Variants in FAM107B observed in about 807,000 individuals in gnomAD.
FAM107B encodes the protein protein FAM107B.
A neutral mutation model predicts 31.5 loss-of-function variants in FAM107B; 21 were observed. The observed-to-expected ratio is 0.67, with a 90% CI of 0.47 to 0.96. FAM107B has a LOEUF of 0.96. Ranked by LOEUF, FAM107B falls within the 40% of genes least tolerant of loss-of-function variation. FAM107B has a pLI of 0.00. For synonymous variants in FAM107B, 157 were observed against 141.5 expected (o/e 1.11, Z -0.78); for missense variants, 452 against 377.1 (o/e 1.20, Z -1.64).
chr10:14,535,698 C>T (rs1284396398), intron 2 of FAM107B, among the ~76,000 whole-genome samples: 2 of 152,324 alleles, frequency 1.3e-5, no homozygotes, highest in South Asian at 2.1e-4. Context: ...AAGGGCCTCT[C>T]GTGCTGTTCT....
intron 1 of FAM107B, among the ~76,000 whole-genome samples, chr10:14,716,570 C>G (rs1414772876): frequency 6.6e-6 from 1 of 152,214 alleles, no homozygotes; most frequent in East Asian, 1.9e-4. Context: ...GTTCCTATAT[C>G]TGCCTCATAG....
At chr10:14,606,361 C>G (rs1230760672) in intron 2 of FAM107B, among the ~76,000 whole-genome samples, 3 of 152,164 alleles carry the variant, frequency 2.0e-5, no homozygotes, top group Non-Finnish European at 2.9e-5. Flanking sequence ...CCCTCCCATA[C>G]CCGACATGGT....
At chr10:14,532,722 C>T (rs1020136450) in intron 2 of FAM107B, 8 of 152,234 alleles carry the variant, frequency 5.3e-5, no homozygotes, top group African/African-American at 1.7e-4. Flanking sequence ...TCTGAAAAAT[C>T]AACTGCAGTT....
intron 2 of FAM107B, among the ~76,000 whole-genome samples, chr10:14,635,333 A>G (rs995709699): frequency 2.0e-5 from 3 of 152,200 alleles, no homozygotes; most frequent in Non-Finnish European, 4.4e-5. Context: ...GCTGATGCCT[A>G]AACTTTGCTT....
At position 14,575,195 on chromosome 10, in the gene FAM107B, A is replaced by G. The variant is rs79124863; in HGVS notation, c.470-44680T>C. Among the ~76,000 whole-genome samples the G allele has an allele frequency of 2.7e-3, 401 of 146,006 alleles. 3 individuals are homozygous for G. Among genetic ancestry groups the G allele is most frequent in the African/African-American group, 9.8e-3 (391 of 39,762 alleles). ...TGTACTGGGGATCACACGCTAAAGA[A>G]GCTTTTTGTTTTTTTGTTTTTTTTT... On this transcript the variant is annotated intron_variant, in intron 2 of 4. Coordinates refer to ENST00000181796, the MANE Select transcript of FAM107B (RefSeq NM_031453.4).
chr10:14,587,620 T>C (rs1252591312), intron 2 of FAM107B, among the ~76,000 whole-genome samples: 3 of 152,224 alleles, frequency 2.0e-5, no homozygotes, highest in East Asian at 3.8e-4. Context: ...TTAAACATTA[T>C]TTTCTTTTCT....
intron 1 of FAM107B, among the ~76,000 whole-genome samples, chr10:14,768,676 T>C (rs1833235031): frequency 6.6e-6 from 1 of 152,246 alleles, no homozygotes; most frequent in Non-Finnish European, 1.5e-5. Flanking sequence ...GTAAAATTTA[T>C]GTTATGTGTA....
At chr10:14,705,941 G>C (rs560988342) in intron 1 of FAM107B, among the ~76,000 whole-genome samples, 1 of 152,090 alleles carries the variant, frequency 6.6e-6, no homozygotes, top group Non-Finnish European at 1.5e-5. Context: ...CAACCGGCAG[G>C]GCAAATTTCT....
intron 2 of FAM107B, among the ~76,000 whole-genome samples, chr10:14,546,776 CT>C (rs1848732201): frequency 1.3e-5 from 2 of 152,162 alleles, no homozygotes; most frequent in African/African-American, 4.8e-5. Flanking sequence ...AAATTCAACC[CT>C]ACCGACCTTC....
intron 2 of FAM107B, among the ~76,000 whole-genome samples, chr10:14,634,166 G>C (rs759772058): frequency 2.4e-4 from 36 of 152,316 alleles, no homozygotes; most frequent in Middle Eastern, 3.4e-3. Flanking sequence ...GGAGGCCAAG[G>C]TGGGTGGATC....
intron 1 of FAM107B, among the ~76,000 whole-genome samples, chr10:14,765,299 G>A (rs891150213): frequency 2.0e-5 from 3 of 152,142 alleles, no homozygotes; most frequent in Non-Finnish European, 2.9e-5. Context: ...TGAAAATTTT[G>A]CATTCTTGCC....
intron 1 of FAM107B, among the ~76,000 whole-genome samples, chr10:14,683,417 G>C (rs1854890303): frequency 1.3e-5 from 2 of 152,288 alleles, no homozygotes; most frequent in Admixed American, 1.3e-4. Flanking sequence ...AGAGCCACAG[G>C]CCAAGAAAGC....
chr10:14,735,403 G>A (rs1041310509), intron 1 of FAM107B, among the ~76,000 whole-genome samples: 1 of 152,106 alleles, frequency 6.6e-6, no homozygotes, highest in Non-Finnish European at 1.5e-5. Flanking sequence ...GACACCTGTG[G>A]TAGATACTCA....
chr10:14,680,561 G>A (rs897522453), intron 1 of FAM107B, among the ~76,000 whole-genome samples: 5 of 126,474 alleles, frequency 4.0e-5, no homozygotes, highest in South Asian at 3.0e-4. Context: ...GCAACAGAGC[G>A]AGACTCTGTC....
At chr10:14,643,124 G>T (rs993626972) in intron 2 of FAM107B, among the ~76,000 whole-genome samples, 1 of 152,090 alleles carries the variant, frequency 6.6e-6, no homozygotes, top group African/African-American at 2.4e-5. Flanking sequence ...TAGGTAGATA[G>T]ACAGATAGAT....
At chr10:14,551,185 T>C (rs1849228024) in intron 2 of FAM107B, among the ~76,000 whole-genome samples, 1 of 152,160 alleles carries the variant, frequency 6.6e-6, no homozygotes, top group Non-Finnish European at 1.5e-5. Flanking sequence ...ATAATTTTGT[T>C]TTGTTTTGTT....
chr10:14,603,202 ATCT>A lies in FAM107B; in HGVS notation c.469+64429_469+64431del, dbSNP rs1222342232. Reference sequence around the variant, plus strand: ...AACCGGAAACCAGCAGCGCTAAGAAATCTTCTCTGGACAGGTAGCCCAGACACT... The same window carrying A: ...AACCGGAAACCAGCAGCGCTAAGAAATCTCTGGACAGGTAGCCCAGACACT... On this transcript the variant is annotated intron_variant, in intron 2 of 4. Transcript: ENST00000181796. Among the ~76,000 whole-genome samples the A allele has an allele frequency of 6.6e-5, 10 of 152,314 alleles. No homozygotes were observed. The South Asian group carries it at 2.1e-3, about 32-fold the overall frequency.
At chr10:14,723,734 A>T in intron 1 of FAM107B, 1 of 757,842 alleles carries the variant, frequency 1.3e-6, no homozygotes, top group Non-Finnish European at 2.4e-6. Flanking sequence ...TGGTTAGTGA[A>T]GGTTCCAGGG....
intron 2 of FAM107B, among the ~76,000 whole-genome samples, chr10:14,636,289 G>T (rs1331023468): frequency 7.4e-6 from 1 of 134,424 alleles, no homozygotes; most frequent in Non-Finnish European, 1.6e-5. Flanking sequence ...AAAAAAAAAA[G>T]CCAACAATTC....
Sources: allele counts gnomAD v4.1 joint callset (sites outside exome capture counted in the v4.1 genomes callset), GRCh38; gene constraint gnomAD v4.1.1; transcripts MANE v1.5; gene names NCBI Gene and HGNC (gene_info 2026-07-23, HGNC 2026-07-21).